Variants in GRIK1 observed in about 807,000 individuals in gnomAD.
GRIK1 encodes the protein glutamate ionotropic receptor kainate type subunit 1.
A neutral mutation model predicts 105.7 loss-of-function variants in GRIK1; 69 were observed. The observed-to-expected ratio is 0.65, with a 90% CI of 0.54 to 0.80. The LOEUF (loss-of-function observed/expected upper bound fraction) is 0.80, where lower values mean the gene tolerates loss of function less well. GRIK1 is among the 30% of genes least tolerant of loss of function. The pLI, the probability that GRIK1 is intolerant of heterozygous loss-of-function variation, is 0.00. For synonymous variants in GRIK1, 438 were observed against 431.3 expected (o/e 1.02, Z -0.19); for missense variants, 1,109 against 1,167.3 (o/e 0.95, Z 0.73).
In GRIK1 at chr21:29,852,181, T is replaced by C. The variant is rs140749995; in HGVS notation, c.118+87202A>G. 4.6e-5 allele frequency among the ~76,000 whole-genome samples: 7 copies of C among 152,344 alleles called. 1 individual carries two copies. The highest frequency in any genetic ancestry group is 1.7e-4 in the African/African-American group (7 of 41,578). ...TTTTCCTTAATGCTGCTTTGTCACT[T>C]CTTTCTTCCTTCTACCTTGATGCTT... is the stretch of plus-strand genomic sequence containing the variant. On this transcript the variant is annotated intron_variant, in intron 1 of 17. Coordinates refer to ENST00000327783, the MANE Select transcript of GRIK1 (RefSeq NM_001330994.2).
chr21:29,596,515 A>G lies in GRIK1; in HGVS notation c.1251+11T>C, dbSNP rs2061416595. The G allele has an allele frequency of 1.3e-6, 2 of 1,589,266 alleles. No homozygotes were observed. Among genetic ancestry groups the G allele is most frequent in the Non-Finnish European group, 1.7e-6 (2 of 1,157,410 alleles). On this transcript the variant is annotated intron_variant, in intron 9 of 17. Transcript: ENST00000327783. The stretch of plus-strand genomic sequence containing the variant: ...CCCCAGGTTTCCTGCAGTTGTTGTC[A>G]GAGTACAAACCTTCTTCCACACTTT...
chr21:29,717,360 C>T (rs767115868), intron 1 of GRIK1, among the ~76,000 whole-genome samples: 16 of 152,158 alleles, frequency 1.1e-4, no homozygotes, highest in Non-Finnish European at 2.1e-4. Flanking sequence ...CAGCTTGCAC[C>T]ATGTGCCTGG....
chr21:29,853,960 T>A lies in GRIK1; in HGVS notation c.118+85423A>T, dbSNP rs558943586. Among the ~76,000 whole-genome samples, 3 of 152,246 alleles carry A rather than the reference T, an allele frequency of 2.0e-5. No individual in the cohort carries two copies. In the South Asian group the frequency reaches 6.2e-4, roughly 32 times the overall value. ...ACAATTTTAAATAGGATGGCCAGGG[T>A]TGTCCTCACTGCCCCCATGACATCT... On this transcript the variant is annotated intron_variant, in intron 1 of 17. Coordinates refer to ENST00000327783, the MANE Select transcript of GRIK1 (RefSeq NM_001330994.2).
At chr21:29,784,840 G>T (rs774341415) in intron 1 of GRIK1, among the ~76,000 whole-genome samples, 30 of 152,296 alleles carry the variant, frequency 2.0e-4, no homozygotes, top group Admixed American at 4.6e-4. Context: ...ATGAATGAAT[G>T]AATTAATAAA....
At chr21:29,538,355 A>G (rs1347926021) in intron 16 of GRIK1, among the ~76,000 whole-genome samples, 1 of 152,182 alleles carries the variant, frequency 6.6e-6, no homozygotes, top group Non-Finnish European at 1.5e-5. Context: ...TATATGAAAC[A>G]TCTAAAATAG....
chr21:29,873,455 G>A (rs1056600760), intron 1 of GRIK1, among the ~76,000 whole-genome samples: 1 of 152,162 alleles, frequency 6.6e-6, no homozygotes, highest in Admixed American at 6.5e-5. Context: ...TTACCTTTCC[G>A]AAGTCTTGGT....
At chr21:29,649,676 G>C (rs1216819969) in intron 6 of GRIK1, among the ~76,000 whole-genome samples, 2 of 152,214 alleles carry the variant, frequency 1.3e-5, no homozygotes, top group Admixed American at 1.3e-4. Context: ...TGTTTTGTCA[G>C]CTCAGTATAA....
chr21:29,919,787 G>C (rs549602145), intron 1 of GRIK1, among the ~76,000 whole-genome samples: 12 of 152,242 alleles, frequency 7.9e-5, no homozygotes, highest in African/African-American at 2.6e-4. Flanking sequence ...GTTTGAAGAG[G>C]TTTAATGTGC....
At chr21:29,925,932 A>G (rs1249068661) in intron 1 of GRIK1, among the ~76,000 whole-genome samples, 1 of 152,222 alleles carries the variant, frequency 6.6e-6, no homozygotes, top group East Asian at 1.9e-4. Flanking sequence ...TTAGGATAAT[A>G]CAAATTGTAA....
chr21:29,782,788 G>C (rs2066158887), intron 1 of GRIK1, among the ~76,000 whole-genome samples: 1 of 151,976 alleles, frequency 6.6e-6, no homozygotes, highest in Non-Finnish European at 1.5e-5. Context: ...ATAACTTCAG[G>C]GAATTTCCTT....
At chr21:29,652,346 A>G (rs2062754789) in intron 5 of GRIK1, among the ~76,000 whole-genome samples, 1 of 152,170 alleles carries the variant, frequency 6.6e-6, no homozygotes, top group Admixed American at 6.5e-5. Context: ...CCGAAAAAAA[A>G]TCATCTCCTG....
intron 1 of GRIK1, among the ~76,000 whole-genome samples, chr21:29,799,189 C>T (rs1326887973): frequency 4.6e-5 from 7 of 152,126 alleles, no homozygotes; most frequent in African/African-American, 7.2e-5. Context: ...CTTTAATGTG[C>T]CATCAAAGCA....
intron 4 of GRIK1, among the ~76,000 whole-genome samples, chr21:29,665,334 A>G (rs1198364806): frequency 6.6e-6 from 1 of 152,180 alleles, no homozygotes; most frequent in Non-Finnish European, 1.5e-5. Context: ...AAAACTAACT[A>G]TGTGTTCAGG....
intron 1 of GRIK1, among the ~76,000 whole-genome samples, chr21:29,706,472 G>T (rs1392283262): frequency 1.3e-5 from 2 of 152,174 alleles, no homozygotes; most frequent in Non-Finnish European, 2.9e-5. Flanking sequence ...ACAGAAGGTA[G>T]TTCTGTTACT....
intron 7 of GRIK1, among the ~76,000 whole-genome samples, chr21:29,606,983 T>G (rs2061635137): frequency 6.6e-6 from 1 of 152,222 alleles, no homozygotes. Context: ...GAGCATTTTG[T>G]GTCTCCTCGT....
At chr21:29,653,876 T>G (rs363574) in intron 5 of GRIK1, among the ~76,000 whole-genome samples, 1 of 152,174 alleles carries the variant, frequency 6.6e-6, no homozygotes, top group South Asian at 2.1e-4. Context: ...TTTTGACAAC[T>G]GTCCCAAAGC....
intron 16 of GRIK1, among the ~76,000 whole-genome samples, chr21:29,540,266 G>T (rs2089947717): frequency 6.6e-6 from 1 of 152,146 alleles, no homozygotes. Flanking sequence ...CTTTACTCTT[G>T]ACTAACTCCA....
At chr21:29,627,713 A>G (rs962778970) in intron 7 of GRIK1, among the ~76,000 whole-genome samples, 3 of 152,208 alleles carry the variant, frequency 2.0e-5, no homozygotes, top group African/African-American at 4.8e-5. Context: ...GGAATTCCCT[A>G]TTGGCCTGTG....
chr21:29,689,685 C>T, intron 3 of GRIK1, 43 bp downstream of exon 3: 2 of 1,585,408 alleles, frequency 1.3e-6, no homozygotes. Context: ...TCTGTTTGTT[C>T]AGAGCAGACA....
Sources: allele counts gnomAD v4.1 joint callset (sites outside exome capture counted in the v4.1 genomes callset), GRCh38; gene constraint gnomAD v4.1.1; transcripts MANE v1.5; gene names NCBI Gene and HGNC (gene_info 2026-07-23, HGNC 2026-07-21).